RBPJ: variants seen among roughly 807,000 people sequenced by gnomAD.
The protein encoded by RBPJ is recombination signal binding protein for immunoglobulin kappa J region.
RBPJ carries 9 observed loss-of-function variants against 67.8 expected under a neutral mutation model. The observed-to-expected ratio is 0.13, with a 90% CI of 0.08 to 0.23. The LOEUF (loss-of-function observed/expected upper bound fraction) is 0.23. Ranked by LOEUF, RBPJ falls within the 10% of genes least tolerant of loss-of-function variation. The pLI is 1.00. For synonymous variants in RBPJ, 198 were observed against 203.3 expected, an observed-to-expected ratio of 0.97 and a Z score of 0.22; for missense variants, 305 against 595.6, an observed-to-expected ratio of 0.51 and a Z score of 5.08.
chr4:26,326,832 T>A (rs1723675502), intron 1 of RBPJ, among the ~76,000 whole-genome samples: 1 of 152,202 alleles, frequency 6.6e-6, no homozygotes, highest in Admixed American at 6.5e-5. Context: ...CAAGATGGAC[T>A]TTTTATACTG....
At chr4:26,275,922 G>A (rs930436980) in intron 1 of RBPJ, among the ~76,000 whole-genome samples, 1 of 147,262 alleles carries the variant, frequency 6.8e-6, no homozygotes, top group South Asian at 2.4e-4. Flanking sequence ...CACCGCAACC[G>A]GCCCAAATCA....
intron 1 of RBPJ, among the ~76,000 whole-genome samples, chr4:26,275,513 C>T (rs1214902056): frequency 1.3e-5 from 2 of 152,172 alleles, no homozygotes; most frequent in Non-Finnish European, 2.9e-5. Context: ...CTATGTGACT[C>T]GGGTGTGGCT....
chr4:26,257,321 G>A (rs114177548), intron 1 of RBPJ, among the ~76,000 whole-genome samples: 3,555 of 152,238 alleles, frequency 0.023, 155 homozygotes, highest in African/African-American at 0.081. Context: ...TTTTACTGGC[G>A]AAGAAACAGT....
intron 1 of RBPJ, among the ~76,000 whole-genome samples, chr4:26,292,773 G>A (rs1303251786): frequency 6.7e-6 from 1 of 150,062 alleles, no homozygotes; most frequent in Admixed American, 6.6e-5. Flanking sequence ...AAACTGTGGT[G>A]TGTGTGTATG....
intron 1 of RBPJ, among the ~76,000 whole-genome samples, chr4:26,206,989 G>T (rs1346315286): frequency 6.6e-6 from 1 of 151,956 alleles, no homozygotes; most frequent in African/African-American, 2.4e-5. Context: ...TCTGCTCCAG[G>T]GCTGCCCACC....
the RBPJ span, among the ~76,000 whole-genome samples, chr4:26,150,716 G>A: frequency 6.6e-6 from 1 of 152,264 alleles, no homozygotes; most frequent in African/African-American, 2.4e-5. Flanking sequence ...TACACAATGG[G>A]CCAAGGACAG....
At chr4:26,280,367 G>A (rs1326819884) in intron 1 of RBPJ, among the ~76,000 whole-genome samples, 4 of 135,600 alleles carry the variant, frequency 2.9e-5, no homozygotes, top group African/African-American at 8.6e-5. Context: ...TTGCACTCCA[G>A]CCTGGGTGAC....
intron 1 of RBPJ, among the ~76,000 whole-genome samples, chr4:26,198,127 G>A (rs896510786): frequency 6.6e-6 from 1 of 152,060 alleles, no homozygotes; most frequent in African/African-American, 2.4e-5. Flanking sequence ...GGTGGTACAT[G>A]CCTGTAATCC....
At chr4:26,268,151 G>C (rs887935475) in intron 1 of RBPJ, among the ~76,000 whole-genome samples, 1 of 151,536 alleles carries the variant, frequency 6.6e-6, no homozygotes, top group African/African-American at 2.4e-5. Context: ...AGAAGAAAAA[G>C]GACACCCCAT....
At chr4:26,410,025 A>T (rs1560333055) in intron 3 of RBPJ, 3 of 454,860 alleles carry the variant, frequency 6.6e-6, no homozygotes, top group South Asian at 4.7e-5. Context: ...AATTTACTTG[A>T]TTTTTTTAAA....
In RBPJ at chr4:26,431,628, A is replaced by G. The variant is rs1431358455; in HGVS notation, c.*621A>G. The G allele has an allele frequency of 6.6e-6, 1 of 151,486 alleles. No individual in the cohort carries two copies. The highest frequency in any genetic ancestry group is 2.4e-5 in the African/African-American group (1 of 41,196). The allele number at this position is 151,486 out of a possible 1,614,324, so 9.4% of individuals were successfully genotyped here. A position where few individuals can be genotyped will look rare whatever the true frequency, so the allele number is the denominator to read the frequency against. ...AACTTTTTTCTTTTTTTTCAGCTGA[A>G]GTCTTATGACTTTTCATGAGTCAAA... On this transcript the variant is annotated 3_prime_UTR_variant, in exon 11 of 11. Coordinates refer to ENST00000355476, the MANE Select transcript of RBPJ (RefSeq NM_015874.6).
the RBPJ span, among the ~76,000 whole-genome samples, chr4:26,106,558 G>C: frequency 3.3e-5 from 5 of 152,148 alleles, no homozygotes; most frequent in Non-Finnish European, 7.3e-5. Flanking sequence ...TTGTGGCTCG[G>C]ATGGGGTATT....
intron 1 of RBPJ, among the ~76,000 whole-genome samples, chr4:26,184,466 C>T (rs1169987856): frequency 1.3e-5 from 2 of 152,046 alleles, no homozygotes; most frequent in Non-Finnish European, 2.9e-5. Flanking sequence ...TGAAGGCAGG[C>T]CAAGGTGATA....
At chr4:26,416,457 T>C (rs1460200031) in intron 4 of RBPJ, among the ~76,000 whole-genome samples, 1 of 152,186 alleles carries the variant, frequency 6.6e-6, no homozygotes, top group Non-Finnish European at 1.5e-5. Flanking sequence ...CTTGAACTCC[T>C]GAGCTCAAGC....
intron 1 of RBPJ, among the ~76,000 whole-genome samples, chr4:26,357,610 A>C (rs1482104373): frequency 1.3e-5 from 2 of 152,208 alleles, no homozygotes; most frequent in East Asian, 3.8e-4. Flanking sequence ...AACAATTTTA[A>C]ATTGTACAGT....
chr4:26,405,296 C>A (rs898265339), intron 2 of RBPJ, among the ~76,000 whole-genome samples: 1 of 152,092 alleles, frequency 6.6e-6, no homozygotes, highest in African/African-American at 2.4e-5. Context: ...TGCTCTTATA[C>A]CTGATATTTG....
At chr4:26,324,827 C>T (rs1281911645) in intron 1 of RBPJ, among the ~76,000 whole-genome samples, 2 of 152,172 alleles carry the variant, frequency 1.3e-5, no homozygotes, top group Non-Finnish European at 2.9e-5. Flanking sequence ...CCATGCCTGG[C>T]CTGCATGTAG....
chr4:26,281,580 C>G (rs1484113575), intron 1 of RBPJ, among the ~76,000 whole-genome samples: 2 of 152,184 alleles, frequency 1.3e-5, no homozygotes, highest in Non-Finnish European at 2.9e-5. Flanking sequence ...ATGCCCACCA[C>G]TCTAAGATAC....
At chr4:26,238,727 A>G (rs926972087) in intron 1 of RBPJ, among the ~76,000 whole-genome samples, 1 of 152,158 alleles carries the variant, frequency 6.6e-6, no homozygotes, top group Non-Finnish European at 1.5e-5. Flanking sequence ...GTGGGTGGTC[A>G]TAATTCCGGA....
Sources: allele counts gnomAD v4.1 joint callset (sites outside exome capture counted in the v4.1 genomes callset), GRCh38; gene constraint gnomAD v4.1.1; transcripts MANE v1.5; gene names NCBI Gene and HGNC (gene_info 2026-07-23, HGNC 2026-07-21).